Variants in JARID2 observed in about 807,000 individuals in gnomAD.
JARID2 encodes the protein jumonji and AT-rich interaction domain containing 2, also known as protein Jumonji.
In JARID2, 21 loss-of-function variants were observed where a neutral mutation model predicts 125.6. The observed-to-expected ratio is 0.17, with a 90% CI of 0.12 to 0.24. The LOEUF is 0.24. Ranked by LOEUF, JARID2 falls within the 10% of genes least tolerant of loss-of-function variation. The pLI, the probability that JARID2 is intolerant of heterozygous loss-of-function variation, is 1.00. For missense variants in JARID2, 1,303 were observed against 1,639.6 expected (o/e 0.79, Z 3.55); for synonymous variants, 736 against 661.6 (o/e 1.11, Z -1.73).
At chr6:15,455,970 C>T (rs1282304164) in intron 4 of JARID2, among the ~76,000 whole-genome samples, 1 of 152,158 alleles carries the variant, frequency 6.6e-6, no homozygotes, top group Non-Finnish European at 1.5e-5. Flanking sequence ...TCCACCAATC[C>T]CGTTTCATTA....
At chr6:15,322,978 C>T (rs1581411572) in intron 1 of JARID2, among the ~76,000 whole-genome samples, 1 of 152,212 alleles carries the variant, frequency 6.6e-6, no homozygotes, top group East Asian at 1.9e-4. Context: ...TTATCTGGTT[C>T]ATTTGAGATT....
chr6:15,419,242 T>C (rs960258405), intron 3 of JARID2, among the ~76,000 whole-genome samples: 2 of 152,240 alleles, frequency 1.3e-5, no homozygotes, highest in African/African-American at 4.8e-5. Flanking sequence ...CCTGGAGATA[T>C]ATTTTATAAA....
intron 3 of JARID2, among the ~76,000 whole-genome samples, chr6:15,423,837 T>C (rs1249679705): frequency 6.6e-6 from 1 of 152,130 alleles, no homozygotes; most frequent in African/African-American, 2.4e-5. Flanking sequence ...GTGACCAGTG[T>C]TTTGGGTTCC....
chr6:15,248,412 A>T (rs1330013443), intron 1 of JARID2: 6 of 27,290 alleles, frequency 2.2e-4, no homozygotes, highest in Admixed American at 1.3e-3. Context: ...GGGCGCGGGG[A>T]GGGGAGAGCG....
intron 3 of JARID2, among the ~76,000 whole-genome samples, chr6:15,416,721 GGGGGGA>G (rs1019601313): frequency 2.0e-5 from 3 of 147,994 alleles, no homozygotes; most frequent in Non-Finnish European, 3.0e-5. Flanking sequence ...GAGAGGGAGA[GGGGGGA>G]GAGGGAGAGG....
At chr6:15,253,391 A>G (rs1759531038) in intron 1 of JARID2, among the ~76,000 whole-genome samples, 1 of 151,962 alleles carries the variant, frequency 6.6e-6, no homozygotes, top group South Asian at 2.1e-4. Flanking sequence ...TGCAGTTCTG[A>G]TTCAGAATAA....
At chr6:15,413,678 C>T (rs1263805286) in intron 3 of JARID2, among the ~76,000 whole-genome samples, 2 of 152,166 alleles carry the variant, frequency 1.3e-5, no homozygotes, top group African/African-American at 2.4e-5. Flanking sequence ...GTGATCATGA[C>T]TTACTGTGTT....
chr6:15,374,212 G>A lies in JARID2; in HGVS notation c.141G>A (p.Gln47=). ...LKEFKNSQKR[Q]HAEGIAGSLK... ...AGTTCAAGAATTCCCAGAAGAGGCA[G>A]CATGCGGAAGGCATTGCTGGGAGCC... The change falls in exon 2 of 18, where the codon CAG becomes CAA. Residue 47 remains glutamine (Q), a synonymous_variant. Coordinates refer to ENST00000341776, the MANE Select transcript of JARID2 (RefSeq NM_004973.4). 6.2e-7 allele frequency: 1 copy of A among 1,614,166 alleles called. No individual in the cohort carries two copies. Among genetic ancestry groups the A allele is most frequent in the South Asian group, 1.1e-5 (1 of 91,076 alleles).
intron 12 of JARID2, chr6:15,508,987 C>T: frequency 7.8e-7 from 1 of 1,289,352 alleles, no homozygotes; most frequent in African/African-American, 1.5e-5. Context: ...CCAGTGTTTC[C>T]TCATCTATCG....
chr6:15,482,558 C>T (rs933512484), intron 5 of JARID2, among the ~76,000 whole-genome samples: 1 of 152,072 alleles, frequency 6.6e-6, no homozygotes. Context: ...TTGTTAATCC[C>T]GTTAATGTCT....
chr6:15,433,591 C>T (rs746341220), intron 3 of JARID2, among the ~76,000 whole-genome samples: 16 of 152,076 alleles, frequency 1.1e-4, no homozygotes, highest in South Asian at 4.1e-4. Context: ...TTGTATTAGG[C>T]GGTCATATGC....
intron 3 of JARID2, among the ~76,000 whole-genome samples, chr6:15,434,381 G>A (rs995186863): frequency 2.6e-5 from 4 of 152,152 alleles, no homozygotes; most frequent in Admixed American, 2.0e-4. Context: ...GATAGATTAC[G>A]AGGAGCCAGT....
chr6:15,498,178 C>T lies in JARID2; in HGVS notation c.1945+1008C>T, dbSNP rs1268265887. On this transcript the variant is annotated intron_variant, in intron 7 of 17. Transcript: ENST00000341776. ...TCCTGCTCAGCCTTGTCTCTTCTTC[C>T]TCTGAGCTTCAGTTTCTCTGGCGAT... Among the ~76,000 whole-genome samples, 4 of 152,216 alleles carry T rather than the reference C, an allele frequency of 2.6e-5. No homozygotes were observed. The East Asian group carries it at 7.7e-4, about 29-fold the overall frequency.
intron 16 of JARID2, among the ~76,000 whole-genome samples, chr6:15,515,862 C>T (rs955834133): frequency 5.9e-5 from 9 of 151,724 alleles, no homozygotes; most frequent in Non-Finnish European, 1.3e-4. Flanking sequence ...GGTGAAACAC[C>T]ATCTCTACTA....
At chr6:15,331,228 G>A (rs1247100036) in intron 1 of JARID2, among the ~76,000 whole-genome samples, 2 of 151,956 alleles carry the variant, frequency 1.3e-5, no homozygotes, top group African/African-American at 4.8e-5. Flanking sequence ...CAACTAGTTG[G>A]GTGTCTGAGG....
chr6:15,510,598 T>G (rs1336121594), intron 12 of JARID2, among the ~76,000 whole-genome samples: 1 of 152,210 alleles, frequency 6.6e-6, no homozygotes, highest in Non-Finnish European at 1.5e-5. Flanking sequence ...CAGAGGCCTA[T>G]GAGCCCTTGA....
intron 1 of JARID2, among the ~76,000 whole-genome samples, chr6:15,260,271 G>T (rs1180415211): frequency 6.6e-6 from 1 of 152,080 alleles, no homozygotes; most frequent in Non-Finnish European, 1.5e-5. Context: ...TACTTTGAGG[G>T]GAGCGATTGG....
chr6:15,363,021 G>C (rs1244008147), intron 1 of JARID2, among the ~76,000 whole-genome samples: 1 of 152,100 alleles, frequency 6.6e-6, no homozygotes, highest in Non-Finnish European at 1.5e-5. Context: ...TGATTTAGTA[G>C]TTATCAGTAT....
At chr6:15,320,384 T>C (rs993090152) in intron 1 of JARID2, among the ~76,000 whole-genome samples, 3 of 152,246 alleles carry the variant, frequency 2.0e-5, no homozygotes, top group Admixed American at 1.3e-4. Context: ...GTTCGTAGAA[T>C]GTAAGTGTGA....
Sources: gnomAD v4.1 joint callset for allele counts (sites outside exome capture counted in the v4.1 genomes callset) on GRCh38, gnomAD v4.1.1 for gene constraint, MANE v1.5 for transcripts, NCBI Gene and HGNC (gene_info 2026-07-23, HGNC 2026-07-21) for gene names.